Variants in NUCB2 observed in about 807,000 individuals in gnomAD.
NUCB2 encodes nucleobindin 2.
In NUCB2, 48 loss-of-function variants were observed where a neutral mutation model predicts 57.9. That is an observed-to-expected ratio of 0.83 (90% CI 0.66 to 1.05). The LOEUF (loss-of-function observed/expected upper bound fraction) is 1.05, where lower values mean the gene tolerates loss of function less well. Among genes scored for constraint, NUCB2 ranks in the 50% least tolerant of loss-of-function variants. NUCB2 has a pLI of 0.00. For missense variants in NUCB2, 442 were observed against 476.2 expected (o/e 0.93, Z 0.67); for synonymous variants, 139 against 152.1 (o/e 0.91, Z 0.64).
intron 11 of NUCB2, among the ~76,000 whole-genome samples, chr11:17,319,683 G>C (rs1949757724): frequency 6.6e-6 from 1 of 151,914 alleles, no homozygotes; most frequent in African/African-American, 2.4e-5. Context: ...AATTTACACT[G>C]ATATCTCCAG....
At chr11:17,313,018 A>AT (rs34504224) in intron 10 of NUCB2, among the ~76,000 whole-genome samples, 31 of 150,546 alleles carry the variant, frequency 2.1e-4, no homozygotes, top group Middle Eastern at 3.5e-3. Context: ...GCCGATTTTT[A>AT]TTTTTTTTAA....
Position 17,331,445 on chromosome 11 carries a change from A to G in NUCB2, c.*26A>G, listed in dbSNP as rs376710077. ...AGTCTGAAGTCCACCAGAACTTGGA[A>G]GAAAGCTGTTAACTCAACATCTATT... On this transcript the variant is annotated 3_prime_UTR_variant, in exon 14 of 14. Transcript: ENST00000529010. 1.1e-4 allele frequency: 161 copies of G among 1,421,876 alleles called. 1 individual carries two copies. Among genetic ancestry groups the G allele is most frequent in the Non-Finnish European group, 1.4e-4 (155 of 1,076,630 alleles). 88.1% of individuals were successfully genotyped at this position (1,421,876 alleles called of 1,614,324 possible).
At chr11:17,300,768 T>C (rs1248921014) in intron 4 of NUCB2, among the ~76,000 whole-genome samples, 1 of 152,194 alleles carries the variant, frequency 6.6e-6, no homozygotes, top group East Asian at 1.9e-4. Context: ...TTTTCTGTTC[T>C]TTTAGTTATA....
At chr11:17,336,460 T>G (rs1951804726), downstream of NUCB2, among the ~76,000 whole-genome samples, 1 of 152,008 alleles carries the variant, frequency 6.6e-6, no homozygotes, top group African/African-American at 2.4e-5. Flanking sequence ...TAACTCTCAC[T>G]AAAGACAATT....
At chr11:17,347,441 T>G (rs1952833361) in intron 2 of NUCB2, among the ~76,000 whole-genome samples, 1 of 152,230 alleles carries the variant, frequency 6.6e-6, no homozygotes, top group Non-Finnish European at 1.5e-5. Context: ...TTGCTTTCAC[T>G]CTTTCTGTCC....
chr11:17,279,112 GA>G (rs1941989194), intron 1 of NUCB2, among the ~76,000 whole-genome samples: 1 of 152,144 alleles, frequency 6.6e-6, no homozygotes, highest in South Asian at 2.1e-4. Context: ...GGAATCGCTT[GA>G]ACCTGGAGGC....
intron 2 of NUCB2, among the ~76,000 whole-genome samples, chr11:17,284,879 A>G (rs1381358589): frequency 6.6e-6 from 1 of 152,052 alleles, no homozygotes; most frequent in Admixed American, 6.6e-5. Context: ...TACCTTCCTC[A>G]CTAGATTGAA....
In NUCB2 at chr11:17,311,018, T is replaced by C. The variant is rs1948408986; in HGVS notation, c.669+8T>C. 2.6e-6 allele frequency: 4 copies of C among 1,561,816 alleles called. No homozygotes were observed. Among genetic ancestry groups the C allele is most frequent in the Non-Finnish European group, 3.4e-6 (4 of 1,162,642 alleles). ...CCTAAAGTTAATCACCCAGTAAGGA[T>C]TGTGACTTTATGAAACCATTTTTAG... On this transcript the variant is annotated splice_region_variant and intron_variant, in intron 7 of 13. Transcript: ENST00000529010.
intron 5 of NUCB2, among the ~76,000 whole-genome samples, chr11:17,307,530 G>A (rs931202525): frequency 6.6e-6 from 1 of 152,082 alleles, no homozygotes; most frequent in Non-Finnish European, 1.5e-5. Flanking sequence ...TATGCAAAAG[G>A]AAATACACAT....
chr11:17,341,423 G>A (rs1388619948), intron 2 of NUCB2, among the ~76,000 whole-genome samples: 1 of 151,708 alleles, frequency 6.6e-6, no homozygotes, highest in African/African-American at 2.4e-5. Flanking sequence ...TCCAGTTTTT[G>A]CCCATTCAGT....
At chr11:17,348,694 C>T (rs1952973363) in intron 2 of NUCB2, among the ~76,000 whole-genome samples, 1 of 151,774 alleles carries the variant, frequency 6.6e-6, no homozygotes, top group Non-Finnish European at 1.5e-5. Flanking sequence ...GAATTCGTCA[C>T]TCCTAGATTG....
At chr11:17,339,133 G>C (rs1471352491) in intron 2 of NUCB2, among the ~76,000 whole-genome samples, 1 of 151,848 alleles carries the variant, frequency 6.6e-6, no homozygotes, top group African/African-American at 2.4e-5. Flanking sequence ...GACTCCAGGC[G>C]TGTGCCACCA....
intron 13 of NUCB2, 57 bp from the exon 14 acceptor site, chr11:17,331,355 C>A: frequency 9.8e-7 from 1 of 1,021,274 alleles, no homozygotes; most frequent in Non-Finnish European, 1.4e-6. Context: ...TATGAAGGAA[C>A]ATTTAGAATA....
chr11:17,310,995 T>C lies in NUCB2; in HGVS notation c.654T>C (p.Pro218=), dbSNP rs200123720. ...TGAAGAAAAAGCATGAAAATCACCC[T>C]AAAGTTAATCACCCAGTAAGGATTG... ...EEMKKKHENH[P]KVNHPGSKDQ... Residue 218 remains proline, a synonymous_variant, in exon 7 of 14, where the codon CCT becomes CCC. Transcript: ENST00000529010. The C allele has an allele frequency of 1.9e-4, 300 of 1,578,020 alleles. No individual in the cohort carries two copies. In the African/African-American group the frequency reaches 3.7e-3, roughly 19 times the overall value.
At chr11:17,341,457 A>G (rs2139621212) in intron 2 of NUCB2, among the ~76,000 whole-genome samples, 1 of 152,074 alleles carries the variant, frequency 6.6e-6, no homozygotes, top group East Asian at 1.9e-4. Flanking sequence ...TGGGTTTGTC[A>G]TAGATAGCTC....
chr11:17,339,660 T>C (rs930323562), intron 2 of NUCB2, among the ~76,000 whole-genome samples: 3 of 152,062 alleles, frequency 2.0e-5, no homozygotes, highest in African/African-American at 4.8e-5. Context: ...GCTTCATTCA[T>C]GTCCCTACAA....
downstream of NUCB2, among the ~76,000 whole-genome samples, chr11:17,336,683 G>A (rs1951828394): frequency 6.8e-6 from 1 of 147,444 alleles, no homozygotes. Flanking sequence ...GAACCCGGGA[G>A]GCGGAGCTTG....
chr11:17,329,085 T>C (rs980086556), intron 11 of NUCB2, among the ~76,000 whole-genome samples: 2 of 152,104 alleles, frequency 1.3e-5, no homozygotes, highest in Non-Finnish European at 2.9e-5. Context: ...AAATGTCACC[T>C]GGGAGCTAGG....
rs142740668 is a variant in NUCB2, at chr11:17,294,237, T to C, written c.1-1087T>C. On this transcript the variant is annotated intron_variant, in intron 2 of 13. Transcript: ENST00000529010. ...CTAGAGATGAGTGGATCTCAGGTTT[T>C]AGTATACATAGGAACCCCCTGGAAC... Among the ~76,000 whole-genome samples the C allele has an allele frequency of 3.8e-3, 583 of 152,156 alleles. 9 individuals carry two copies. The highest frequency in any genetic ancestry group is 7.1e-4 in the Non-Finnish European group (48 of 67,990).
Sources: gnomAD v4.1 joint callset for allele counts (sites outside exome capture counted in the v4.1 genomes callset) on GRCh38, gnomAD v4.1.1 for gene constraint, MANE v1.5 for transcripts, NCBI Gene and HGNC (gene_info 2026-07-23, HGNC 2026-07-21) for gene names.